GLUD1: variants seen among roughly 807,000 people sequenced by gnomAD.
GLUD1 encodes glutamate dehydrogenase 1, mitochondrial.
In GLUD1, 22 loss-of-function variants were observed where a neutral mutation model predicts 56.0. The observed-to-expected ratio is 0.39, with a 90% confidence interval of 0.28 to 0.56. The LOEUF (loss-of-function observed/expected upper bound fraction) is 0.56, where lower values mean the gene tolerates loss of function less well. Among genes scored for constraint, GLUD1 ranks in the 20% least tolerant of loss-of-function variants. GLUD1 has a pLI of 0.58. For synonymous variants in GLUD1, 223 were observed against 269.9 expected (o/e 0.83, Z 1.70); for missense variants, 451 against 732.0 (o/e 0.62, Z 4.43).
At chr10:87,064,827 G>C (rs916941156) in intron 5 of GLUD1, among the ~76,000 whole-genome samples, 1 of 152,192 alleles carries the variant, frequency 6.6e-6, no homozygotes, top group Admixed American at 6.5e-5. Flanking sequence ...TGCTGGAGCT[G>C]AAGGAAATAC....
chr10:87,087,363 T>C (rs1841407699), intron 1 of GLUD1, among the ~76,000 whole-genome samples: 2 of 152,168 alleles, frequency 1.3e-5, no homozygotes, highest in Non-Finnish European at 2.9e-5. Context: ...AGGGTTTGTA[T>C]AGAGGTTCCA....
At chr10:87,091,549 C>G in intron 1 of GLUD1, 1 of 832,614 alleles carries the variant, frequency 1.2e-6, no homozygotes, top group South Asian at 5.5e-5. Flanking sequence ...ACTTAAACTT[C>G]CCTTCAGATC....
intron 1 of GLUD1, among the ~76,000 whole-genome samples, chr10:87,077,242 C>G (rs2133829923): frequency 6.6e-6 from 1 of 152,196 alleles, no homozygotes; most frequent in East Asian, 1.9e-4. Flanking sequence ...AACTCCTGGG[C>G]TCAAGTGATC....
chr10:87,086,372 C>G (rs1175254760), intron 1 of GLUD1, among the ~76,000 whole-genome samples: 4 of 152,160 alleles, frequency 2.6e-5, no homozygotes, highest in Admixed American at 2.6e-4. Flanking sequence ...CCTGTAAATC[C>G]TACCTGTTGG....
rs1341894787 is a variant in GLUD1, at chr10:87,093,303, T to G, written c.445+1022A>C. 3.9e-5 allele frequency among the ~76,000 whole-genome samples: 6 copies of G among 152,358 alleles called. No homozygotes were observed. The East Asian group carries it at 9.6e-4, about 24-fold the overall frequency. ...CCTCCAACAAGACTCCTCGCCTCCC[T>G]GGGCTCTTTATTCCATATAATTTTT... is the stretch of plus-strand genomic sequence containing the variant. On this transcript the variant is annotated intron_variant, in intron 1 of 12. Transcript: ENST00000277865.
chr10:87,058,031 G>C (rs1845834390), intron 10 of GLUD1, among the ~76,000 whole-genome samples: 1 of 152,100 alleles, frequency 6.6e-6, no homozygotes, highest in South Asian at 2.1e-4. Context: ...ACCACGCCCA[G>C]CTAATTTTTT....
chr10:87,054,105 T>G (rs922734627), intron 11 of GLUD1, among the ~76,000 whole-genome samples: 1 of 152,150 alleles, frequency 6.6e-6, no homozygotes, highest in African/African-American at 2.4e-5. Flanking sequence ...ACTCTTAAGG[T>G]GACATACAGA....
In GLUD1 at chr10:87,051,887, A is replaced by T; in HGVS notation, c.1558-17T>A. ...CATAATTTGCTGAAATGAAAGAGAA[A>T]ATGCAGTGAAGATGATCCTGACTCA... is the stretch of plus-strand genomic sequence containing the variant. On this transcript the variant is annotated splice_polypyrimidine_tract_variant and intron_variant, in intron 12 of 12. Transcript: ENST00000277865. 6.2e-7 allele frequency: 1 copy of T among 1,614,098 alleles called. No individual in the cohort carries two copies. Among genetic ancestry groups the T allele is most frequent in the Non-Finnish European group, 8.5e-7 (1 of 1,179,960 alleles).
At position 87,060,525 on chromosome 10, in the gene GLUD1, A is replaced by T. The variant is rs933231490; in HGVS notation, c.1197+163T>A. 12 of 915,886 alleles carry T rather than the reference A, an allele frequency of 1.3e-5. No homozygotes were observed. In the South Asian group the frequency reaches 1.5e-4, roughly 11 times the overall value. 56.7% of individuals were successfully genotyped at this position (915,886 alleles called of 1,614,324 possible). A position where few individuals can be genotyped will look rare whatever the true frequency, so the allele number is the denominator to read the frequency against. On this transcript the variant is annotated intron_variant, in intron 8 of 12. Coordinates refer to ENST00000277865, the MANE Select transcript of GLUD1 (RefSeq NM_005271.5). ...GCACAACTCTGTGCCGGTAGCTAAA[A>T]GCCATTAAATTATGTACCTTAAATG...
intron 1 of GLUD1, among the ~76,000 whole-genome samples, chr10:87,087,789 ACTGT>A (rs776855167): frequency 3.9e-5 from 6 of 152,172 alleles, no homozygotes; most frequent in African/African-American, 7.2e-5. Flanking sequence ...CCACATCAAG[ACTGT>A]CTGTCTGCCA....
In GLUD1 at chr10:87,073,937, T is replaced by A. The variant is rs1846310361; in HGVS notation, c.646+614A>T. On this transcript the variant is annotated intron_variant, in intron 4 of 12. Transcript: ENST00000277865. ...CGCTCGGCAGTAAGTATTAACATTC[T>A]ATTAACTATACTGATAGGGCAAGCA... 2.0e-5 allele frequency among the ~76,000 whole-genome samples: 3 copies of A among 152,110 alleles called. No individual in the cohort carries two copies. The South Asian group carries it at 6.2e-4, about 32-fold the overall frequency.
chr10:87,052,391 G>A (rs1378836952), intron 12 of GLUD1, among the ~76,000 whole-genome samples: 1 of 152,130 alleles, frequency 6.6e-6, no homozygotes, highest in African/African-American at 2.4e-5. Context: ...GGGAGACTGA[G>A]GAAGGAGAAT....
In GLUD1 at chr10:87,094,089, G is replaced by C; in HGVS notation, c.445+236C>G. On this transcript the variant is annotated intron_variant, in intron 1 of 12. Coordinates refer to ENST00000277865, the MANE Select transcript of GLUD1 (RefSeq NM_005271.5). This position sits in a 1 kb window ranked among gnomAD's most constrained non-coding sequence, Gnocchi z 6.6. Reference sequence around the variant, plus strand: ...TCTGCATGCAAGATCAGCATATACAGAGGCCCGGGGTGACGGCGCGGGGGA... The same window carrying C: ...TCTGCATGCAAGATCAGCATATACACAGGCCCGGGGTGACGGCGCGGGGGA... 2.7e-6 allele frequency: 4 copies of C among 1,507,452 alleles called. No homozygotes were observed. Among genetic ancestry groups the C allele is most frequent in the Non-Finnish European group, 3.5e-6 (4 of 1,131,070 alleles). The allele number at this position is 1,507,452 out of a possible 1,614,324, so 93.4% of individuals were successfully genotyped here. A position where few individuals can be genotyped will look rare whatever the true frequency, so the allele number is the denominator to read the frequency against.
At chr10:87,075,767 C>T (rs1328159936) in intron 3 of GLUD1, among the ~76,000 whole-genome samples, 1 of 152,082 alleles carries the variant, frequency 6.6e-6, no homozygotes, top group Non-Finnish European at 1.5e-5. Flanking sequence ...ACTAAAAATA[C>T]AAAAATTAGT....
intron 12 of GLUD1, among the ~76,000 whole-genome samples, chr10:87,052,992 T>C (rs1845678591): frequency 6.6e-6 from 1 of 152,134 alleles, no homozygotes; most frequent in African/African-American, 2.4e-5. Flanking sequence ...AAAATAAGTT[T>C]TGCTTATACC....
chr10:87,071,278 C>T (rs899951487), intron 4 of GLUD1, among the ~76,000 whole-genome samples: 2 of 151,842 alleles, frequency 1.3e-5, no homozygotes, highest in African/African-American at 2.4e-5. Flanking sequence ...CTGCAACCTC[C>T]GCCTTCCAGG....
At chr10:87,081,267 T>C (rs1430796561) in intron 1 of GLUD1, among the ~76,000 whole-genome samples, 1 of 141,414 alleles carries the variant, frequency 7.1e-6, no homozygotes, top group African/African-American at 2.7e-5. Context: ...TGGCTGCCCC[T>C]ACTGGGAAGT....
chr10:87,083,172 C>T (rs563286104), intron 1 of GLUD1, among the ~76,000 whole-genome samples: 67 of 150,782 alleles, frequency 4.4e-4, no homozygotes, highest in African/African-American at 1.5e-3. Context: ...GAGATTGTAC[C>T]ACTGCATTCC....
Position 87,050,569 on chromosome 10 carries a change from G to A in GLUD1, c.*1182C>T, listed in dbSNP as rs573888506. Reference sequence around the variant, plus strand: ...ACAAAGTAGTTAGAAATTTCTGAAGGGTGTTAGAGTTAAAAAAAAAAAAAA... The same window carrying A: ...ACAAAGTAGTTAGAAATTTCTGAAGAGTGTTAGAGTTAAAAAAAAAAAAAA... On this transcript the variant is annotated 3_prime_UTR_variant, in exon 13 of 13. Coordinates refer to ENST00000277865, the MANE Select transcript of GLUD1 (RefSeq NM_005271.5). 4.5e-4 allele frequency: 69 copies of A among 151,786 alleles called. No individual in the cohort carries two copies. The highest frequency in any genetic ancestry group is 1.5e-3 in the African/African-American group (63 of 41,360). 9.4% of individuals were successfully genotyped at this position (151,786 alleles called of 1,614,324 possible).
Sources: allele counts gnomAD v4.1 joint callset (sites outside exome capture counted in the v4.1 genomes callset), GRCh38; gene constraint gnomAD v4.1.1; non-coding constraint Gnocchi (gnomAD v3.1); transcripts MANE v1.5; gene names NCBI Gene and HGNC (gene_info 2026-07-23, HGNC 2026-07-21).